OGA: variants seen among roughly 807,000 people sequenced by gnomAD.
The protein encoded by OGA is protein O-GlcNAcase.
In OGA, 21 loss-of-function variants were observed where a neutral mutation model predicts 102.0. The observed-to-expected ratio is 0.21, with a 90% CI of 0.15 to 0.30. The LOEUF (loss-of-function observed/expected upper bound fraction) is 0.30. Among genes scored for constraint, OGA ranks in the 10% least tolerant of loss-of-function variants. The probability of loss-of-function intolerance (pLI) is 1.00; values close to 1 mark genes in which losing one functional copy is unlikely to be tolerated. For missense variants in OGA, 765 were observed against 1,107.8 expected, an observed-to-expected ratio of 0.69 and a Z score of 4.39; for synonymous variants, 408 against 378.2, an observed-to-expected ratio of 1.08 and a Z score of -0.91.
intron 6 of OGA, 34 bp from the exon 7 acceptor site, chr10:101,804,053 C>A: frequency 6.3e-7 from 1 of 1,580,584 alleles, no homozygotes; most frequent in South Asian, 1.2e-5. Flanking sequence ...TTAAAAGAAT[C>A]ATGGTTCTTG....
At chr10:101,815,413 T>C (rs1241399879) in intron 1 of OGA, among the ~76,000 whole-genome samples, 1 of 151,780 alleles carries the variant, frequency 6.6e-6, no homozygotes, top group Non-Finnish European at 1.5e-5. Context: ...GCCTCCCGAG[T>C]AGTTGGGATT....
intron 9 of OGA, 123 bp from the exon 10 acceptor site, chr10:101,798,277 T>C (rs2065342613): frequency 1.2e-6 from 1 of 837,678 alleles, no homozygotes. Flanking sequence ...CATTAAAGTA[T>C]CATTTTGTGT....
chr10:101,796,362 A>G (rs1177807559), intron 10 of OGA, among the ~76,000 whole-genome samples: 1 of 151,968 alleles, frequency 6.6e-6, no homozygotes, highest in East Asian at 1.9e-4. Context: ...CCTGGGTTCA[A>G]GTGATTCTTC....
chr10:101,808,738 G>A (rs1431079670), intron 4 of OGA, among the ~76,000 whole-genome samples: 4 of 152,112 alleles, frequency 2.6e-5, no homozygotes, highest in African/African-American at 9.7e-5. Flanking sequence ...GGGAGGCCGA[G>A]GCGGGCAAAC....
In OGA at chr10:101,810,169, A is replaced by G. The variant is rs1191906848; in HGVS notation, c.480+15T>C. The G allele has an allele frequency of 3.8e-6, 6 of 1,596,274 alleles. No homozygotes were observed. Among genetic ancestry groups the G allele is most frequent in the Non-Finnish European group, 5.1e-6 (6 of 1,172,356 alleles). ...GTACATAGTCAGGAAAAATGAATAA[A>G]AAGTAAGGAGTTACCTGGTCCAATT... On this transcript the variant is annotated intron_variant, in intron 4 of 15. Coordinates refer to ENST00000361464, the MANE Select transcript of OGA (RefSeq NM_012215.5).
chr10:101,807,140 CAAAG>C (rs1266665544), intron 5 of OGA, among the ~76,000 whole-genome samples: 2 of 152,152 alleles, frequency 1.3e-5, no homozygotes, highest in South Asian at 4.1e-4. Flanking sequence ...ACAATACACA[CAAAG>C]AAAGTTAAAT....
In OGA at chr10:101,806,035, A is replaced by G. The variant is rs201148023; in HGVS notation, c.751+10T>C. The G allele has an allele frequency of 1.1e-4, 168 of 1,565,772 alleles. No homozygotes were observed. The East Asian group carries it at 3.1e-3, about 29-fold the overall frequency. ...TTCAACTTTGACTGTATAAATCTTA[A>G]AAGACTTACCTGTCCAAAGCACTTC... On this transcript the variant is annotated intron_variant, in intron 6 of 15. Coordinates refer to ENST00000361464, the MANE Select transcript of OGA (RefSeq NM_012215.5).
rs554480746 is a variant in OGA, at chr10:101,784,979, G to A, written c.*1472C>T. On this transcript the variant is annotated 3_prime_UTR_variant, in exon 16 of 16. Transcript: ENST00000361464. The stretch of plus-strand genomic sequence containing the variant: ...CAAAGGCTTTGGTTGGAAGTCACTA[G>A]GTACCACTAGGTACAATGCTTTAGG... 1.3e-5 allele frequency: 2 copies of A among 152,270 alleles called. No homozygotes were observed. Among genetic ancestry groups the A allele is most frequent in the Admixed American group, 6.5e-5 (1 of 15,294 alleles). 9.4% of individuals were successfully genotyped at this position (152,270 alleles called of 1,614,324 possible).
At position 101,786,445 on chromosome 10, in the gene OGA, C is replaced by G; in HGVS notation, c.*6G>C. 5 of 1,601,808 alleles carry G rather than the reference C, an allele frequency of 3.1e-6. No homozygotes were observed. Among genetic ancestry groups the G allele is most frequent in the Admixed American group, 1.7e-5 (1 of 57,690 alleles). On this transcript the variant is annotated 3_prime_UTR_variant, in exon 16 of 16. Coordinates refer to ENST00000361464, the MANE Select transcript of OGA (RefSeq NM_012215.5). ...ACTTTTGGACAGTTCACAGTGTCAA[C>G]AAATGTCACAGGCTCCGACCAAGTA...
At position 101,815,961 on chromosome 10, in the gene OGA, G is replaced by GAAAAA. The variant is rs1185344174; in HGVS notation, c.199+1862_199+1863insTTTTT. On this transcript the variant is annotated intron_variant, in intron 1 of 15. Transcript: ENST00000361464. ...TGCCAACCAAGAGGTATCAAAAAGA[G>GAAAAA]AGAAAAAAAAAAAAAAAAAAAAAAA... 4.2e-3 allele frequency among the ~76,000 whole-genome samples: 99 copies of GAAAAA among 23,790 alleles called. 26 individuals are homozygous for GAAAAA. Among genetic ancestry groups the GAAAAA allele is most frequent in the African/African-American group, 4.2e-3 (19 of 4,516 alleles). 15.6% of individuals were successfully genotyped at this position (23,790 alleles called of 152,430 possible). A position where few individuals can be genotyped will look rare whatever the true frequency, so the allele number is the denominator to read the frequency against.
In OGA at chr10:101,818,325, C is replaced by T; in HGVS notation, c.-303G>A. 8.4e-7 allele frequency: 1 copy of T among 1,183,970 alleles called. No individual in the cohort carries two copies. The highest frequency in any genetic ancestry group is 1.0e-6 in the Non-Finnish European group (1 of 952,940). 73.3% of individuals were successfully genotyped at this position (1,183,970 alleles called of 1,614,324 possible). A position where few individuals can be genotyped will look rare whatever the true frequency, so the allele number is the denominator to read the frequency against. ...CCCTGGAAGAAGACGGCCAAGGGTC[C>T]TGTCCTCGTTCTCTGCCTCTGCTGC... On this transcript the variant is annotated 5_prime_UTR_variant, in exon 1 of 16. Transcript: ENST00000361464.
intron 13 of OGA, 131 bp from the exon 14 acceptor site, chr10:101,791,219 C>T: frequency 8.4e-7 from 1 of 1,192,750 alleles, no homozygotes; most frequent in Admixed American, 2.5e-5. Flanking sequence ...ACTAGAAATG[C>T]ACACATATTC....
intron 7 of OGA, among the ~76,000 whole-genome samples, chr10:101,800,731 A>G (rs2065378283): frequency 6.6e-6 from 1 of 151,010 alleles, no homozygotes; most frequent in Non-Finnish European, 1.5e-5. Context: ...TGCTTTTCGT[A>G]TGAAGAAAAC....
chr10:101,798,250 T>A lies in OGA; in HGVS notation c.1810-96A>T. ...TTAAGCTGCTTATGTTGTCAGGTAC[T>A]GGCAATTTATCTTAACCATTAAAGT... is the stretch of plus-strand genomic sequence containing the variant. On this transcript the variant is annotated intron_variant, in intron 9 of 15. Coordinates refer to ENST00000361464, the MANE Select transcript of OGA (RefSeq NM_012215.5). 2.7e-6 allele frequency: 3 copies of A among 1,110,824 alleles called. No individual in the cohort carries two copies. In the South Asian group the frequency reaches 4.6e-5, roughly 17 times the overall value. The allele number at this position is 1,110,824 out of a possible 1,614,324, so 68.8% of individuals were successfully genotyped here. A position where few individuals can be genotyped will look rare whatever the true frequency, so the allele number is the denominator to read the frequency against.
Position 101,810,932 on chromosome 10 carries a change from C to G in OGA, c.350-618G>C, listed in dbSNP as rs573865470. Among the ~76,000 whole-genome samples, 66 of 151,938 alleles carry G rather than the reference C, an allele frequency of 4.3e-4. 1 individual carries two copies. The highest frequency in any genetic ancestry group is 1.5e-3 in the African/African-American group (64 of 41,492). ...TCTCGAACTCCTGGCCTCAAGTGATCCGCCTGCCTTAGCCTCTTACAGTGT... is the reference window on the plus strand; with the variant it reads ...TCTCGAACTCCTGGCCTCAAGTGATGCGCCTGCCTTAGCCTCTTACAGTGT... On this transcript the variant is annotated intron_variant, in intron 3 of 15. Transcript: ENST00000361464.
chr10:101,803,739 C>A lies in OGA; in HGVS notation c.1032G>T (p.Val344=), dbSNP rs1208261452. ...GATCAAGTACAGGCTACTTACTCAT[C>A]ACTACATCTTTTCTCACTCCATTCA... ...SNMNGVRKDV[V]MTDSEDSTVS... The change falls in exon 7 of 16, where the codon GTG becomes GTT. Residue 344 remains valine, a synonymous_variant. Transcript: ENST00000361464. The A allele has an allele frequency of 6.2e-7, 1 of 1,613,708 alleles. No individual in the cohort carries two copies. Among genetic ancestry groups the A allele is most frequent in the Non-Finnish European group, 8.5e-7 (1 of 1,179,622 alleles).
intron 12 of OGA, 153 bp downstream of exon 12, chr10:101,792,686 T>A (rs2065273034): frequency 3.5e-6 from 2 of 567,198 alleles, no homozygotes; most frequent in East Asian, 5.5e-5. Context: ...CTCCTTAAAT[T>A]TCTCAAGATA....
At chr10:101,794,469 A>C (rs985301495) in intron 10 of OGA, among the ~76,000 whole-genome samples, 2 of 152,200 alleles carry the variant, frequency 1.3e-5, no homozygotes, top group African/African-American at 2.4e-5. Context: ...GAGAAGGATT[A>C]ATCTTGTCAG....
In OGA at chr10:101,804,081, A is replaced by G. The variant is rs985729487; in HGVS notation, c.752-62T>C. 1.4e-5 allele frequency: 21 copies of G among 1,462,528 alleles called. No individual in the cohort carries two copies. In the South Asian group the frequency reaches 1.7e-4, roughly 12 times the overall value. The allele number at this position is 1,462,528 out of a possible 1,614,324, so 90.6% of individuals were successfully genotyped here. On this transcript the variant is annotated intron_variant, in intron 6 of 15. Transcript: ENST00000361464. The stretch of plus-strand genomic sequence containing the variant: ...GGTTCTTGGCTAGACGCATTGGCTC[A>G]TAACTGTAATCCCAGCACTCTGGGA...
Sources: gnomAD v4.1 joint callset for allele counts (sites outside exome capture counted in the v4.1 genomes callset) on GRCh38, gnomAD v4.1.1 for gene constraint, MANE v1.5 for transcripts, NCBI Gene and HGNC (gene_info 2026-07-23, HGNC 2026-07-21) for gene names.